The following EIF2B3 variants were observed in gnomAD, a reference collection of about 807,000 sequenced individuals.
EIF2B3 encodes translation initiation factor eIF2B subunit gamma.
Under a neutral mutation model 54.1 loss-of-function variants are expected in EIF2B3, and 20 were observed. The ratio of observed to expected loss-of-function variants is 0.37; its 90% confidence interval spans 0.26 to 0.54. The LOEUF (loss-of-function observed/expected upper bound fraction) is 0.54. Ranked by LOEUF, EIF2B3 falls within the 20% of genes least tolerant of loss-of-function variation. The probability of loss-of-function intolerance (pLI) is 0.86; values close to 1 mark genes in which losing one functional copy is unlikely to be tolerated. For synonymous variants in EIF2B3, 153 were observed against 188.1 expected (o/e 0.81, Z 1.52); for missense variants, 448 against 547.8 (o/e 0.82, Z 1.82).
chr1:44,886,413 A>T (rs899751143), intron 6 of EIF2B3, among the ~76,000 whole-genome samples: 1 of 152,218 alleles, frequency 6.6e-6, no homozygotes, highest in African/African-American at 2.4e-5. Flanking sequence ...TCAAGCATGT[A>T]TTCTTACTAT....
At chr1:44,984,280 C>G (rs772347196) in intron 1 of EIF2B3, among the ~76,000 whole-genome samples, 10 of 152,114 alleles carry the variant, frequency 6.6e-5, no homozygotes, top group Non-Finnish European at 1.3e-4. Flanking sequence ...ATCACTTGAG[C>G]CTAGGAATTC....
chr1:44,869,844 T>C (rs957016580), intron 10 of EIF2B3, among the ~76,000 whole-genome samples: 3 of 152,016 alleles, frequency 2.0e-5, no homozygotes, highest in African/African-American at 7.2e-5. Context: ...AAAGCTCATG[T>C]TCTAATTCAT....
chr1:44,916,690 G>T (rs570606806), intron 5 of EIF2B3, among the ~76,000 whole-genome samples: 199 of 151,008 alleles, frequency 1.3e-3, no homozygotes, highest in African/African-American at 4.5e-3. Context: ...AAATGTGGTG[G>T]TGCACACCCA....
intron 3 of EIF2B3, among the ~76,000 whole-genome samples, chr1:44,972,270 TAC>T (rs1644408213): frequency 1.4e-5 from 1 of 72,382 alleles, no homozygotes; most frequent in African/African-American, 7.2e-5. Context: ...CACACACATA[TAC>T]ACACACAAAC....
At chr1:44,944,528 T>C (rs1190482577) in intron 3 of EIF2B3, among the ~76,000 whole-genome samples, 2 of 150,566 alleles carry the variant, frequency 1.3e-5, no homozygotes, top group African/African-American at 2.4e-5. Context: ...CACAGTGTCT[T>C]GCACCTGTAA....
intron 10 of EIF2B3, among the ~76,000 whole-genome samples, chr1:44,861,604 C>T (rs1378419472): frequency 6.6e-6 from 1 of 152,136 alleles, no homozygotes; most frequent in Non-Finnish European, 1.5e-5. Flanking sequence ...CAATAAACAG[C>T]CTGGTTTTCC....
In EIF2B3 at chr1:44,852,718, G is replaced by A. The variant is rs142471170; in HGVS notation, c.1307-1715C>T. Among the ~76,000 whole-genome samples the A allele has an allele frequency of 2.1e-3, 320 of 150,866 alleles. 2 individuals are homozygous for A. The highest frequency in any genetic ancestry group is 7.2e-3 in the African/African-American group (296 of 40,900). On this transcript the variant is annotated intron_variant, in intron 11 of 11. Coordinates refer to ENST00000360403, the MANE Select transcript of EIF2B3 (RefSeq NM_020365.5). ...TGCTTGAACCCAAGAGGTGGAGGTTGCAGTGAGCCGAGATCGCAGCATTAC... is the reference window on the plus strand; with the variant it reads ...TGCTTGAACCCAAGAGGTGGAGGTTACAGTGAGCCGAGATCGCAGCATTAC...
At chr1:44,975,515 G>A (rs1395782285) in intron 3 of EIF2B3, among the ~76,000 whole-genome samples, 1 of 152,158 alleles carries the variant, frequency 6.6e-6, no homozygotes, top group African/African-American at 2.4e-5. Context: ...ACAATGGTAA[G>A]TATTTGTGTA....
chr1:44,960,072 A>C (rs1187073064), intron 3 of EIF2B3, among the ~76,000 whole-genome samples: 1 of 152,162 alleles, frequency 6.6e-6, no homozygotes. Flanking sequence ...TTATGTATTT[A>C]CCTTCATATT....
intron 5 of EIF2B3, among the ~76,000 whole-genome samples, chr1:44,898,273 A>T (rs893131405): frequency 6.6e-5 from 10 of 152,168 alleles, no homozygotes; most frequent in African/African-American, 2.4e-4. Context: ...CACTGACAAC[A>T]GTGAAGTTTG....
At chr1:44,896,350 C>T (rs1308826174) in intron 6 of EIF2B3, among the ~76,000 whole-genome samples, 1 of 151,086 alleles carries the variant, frequency 6.6e-6, no homozygotes, top group Non-Finnish European at 1.5e-5. Flanking sequence ...ATGGGCCTCT[C>T]CACAGGAACT....
intron 8 of EIF2B3, among the ~76,000 whole-genome samples, chr1:44,878,779 G>T (rs1228562181): frequency 6.8e-6 from 1 of 148,012 alleles, no homozygotes; most frequent in Non-Finnish European, 1.5e-5. Context: ...TTAATACAGA[G>T]TCTCACTCTG....
chr1:44,917,757 T>C (rs1643654413), intron 5 of EIF2B3, among the ~76,000 whole-genome samples: 1 of 18,350 alleles, frequency 5.4e-5, no homozygotes, highest in Non-Finnish European at 1.0e-4. Flanking sequence ...ATAACACTCT[T>C]TTTTTTTTTT....
intron 10 of EIF2B3, among the ~76,000 whole-genome samples, chr1:44,864,966 C>T (rs1654721942): frequency 6.6e-6 from 1 of 152,156 alleles, no homozygotes; most frequent in Non-Finnish European, 1.5e-5. Flanking sequence ...ACCTGTAATC[C>T]CAGCACTTTG....
At chr1:44,876,697 C>A (rs1655170830) in intron 8 of EIF2B3, among the ~76,000 whole-genome samples, 2 of 137,172 alleles carry the variant, frequency 1.5e-5, no homozygotes, top group Admixed American at 7.5e-5. Context: ...GGGAGGTGTA[C>A]CCAACAGCTC....
intron 4 of EIF2B3, among the ~76,000 whole-genome samples, chr1:44,938,580 C>CA (rs1463313043): frequency 1.3e-5 from 2 of 151,908 alleles, no homozygotes; most frequent in African/African-American, 4.8e-5. Context: ...ATCCCGGGCT[C>CA]AAGTGATCCT....
chr1:44,946,458 G>T (rs1330487803), intron 3 of EIF2B3, among the ~76,000 whole-genome samples: 7 of 90,742 alleles, frequency 7.7e-5, no homozygotes, highest in Admixed American at 6.7e-4. Flanking sequence ...TTTTTTTTGA[G>T]ACAGGGTCTC....
chr1:44,879,033 T>G (rs994735383), intron 8 of EIF2B3, among the ~76,000 whole-genome samples: 1 of 152,158 alleles, frequency 6.6e-6, no homozygotes, highest in Non-Finnish European at 1.5e-5. Flanking sequence ...ATTGCTAGGA[T>G]TATAGGCGTA....
intron 5 of EIF2B3, among the ~76,000 whole-genome samples, chr1:44,925,496 C>T (rs1643833705): frequency 1.3e-5 from 2 of 152,056 alleles, no homozygotes; most frequent in Non-Finnish European, 1.5e-5. Context: ...GTAGCAAGGC[C>T]TTGCGGGGAG....
Sources: allele counts gnomAD v4.1 joint callset (sites outside exome capture counted in the v4.1 genomes callset), GRCh38; gene constraint gnomAD v4.1.1; transcripts MANE v1.5; gene names NCBI Gene and HGNC (gene_info 2026-07-23, HGNC 2026-07-21).